The following CLASP1 variants were observed in gnomAD, a reference collection of about 807,000 sequenced individuals.
CLASP1 encodes the protein CLIP-associating protein 1.
CLASP1 carries 38 observed loss-of-function variants against 192.3 expected under a neutral mutation model. The ratio of observed to expected loss-of-function variants is 0.20; its 90% CI spans 0.15 to 0.26. CLASP1 has a LOEUF of 0.26. Among genes scored for constraint, CLASP1 ranks in the 10% least tolerant of loss-of-function variants. The probability of loss-of-function intolerance (pLI) is 1.00; values close to 1 mark genes in which losing one functional copy is unlikely to be tolerated. For missense variants in CLASP1, 1,433 were observed against 1,932.5 expected (o/e 0.74, Z 4.85); for synonymous variants, 691 against 712.8 (o/e 0.97, Z 0.49).
At chr2:121,625,287 T>C (rs919847367) in intron 1 of CLASP1, among the ~76,000 whole-genome samples, 8 of 152,180 alleles carry the variant, frequency 5.3e-5, no homozygotes, top group African/African-American at 1.9e-4. Flanking sequence ...CATGTGCATG[T>C]ACAAATGAAA....
At chr2:121,419,393 T>A (rs72967370) in intron 22 of CLASP1, among the ~76,000 whole-genome samples, 2 of 152,242 alleles carry the variant, frequency 1.3e-5, no homozygotes, top group African/African-American at 4.8e-5. Flanking sequence ...TTTCCTTTAC[T>A]GATCCCAACA....
At chr2:121,401,424 G>A in intron 28 of CLASP1, 85 bp downstream of exon 29, 1 of 1,042,388 alleles carries the variant, frequency 9.6e-7, no homozygotes. Flanking sequence ...GGGTGACAAA[G>A]GCCATGGGTA....
intron 20 of CLASP1, among the ~76,000 whole-genome samples, chr2:121,429,168 G>T (rs2080947596): frequency 6.6e-6 from 1 of 152,198 alleles, no homozygotes; most frequent in African/African-American, 2.4e-5. Flanking sequence ...AGAAGGTGTT[G>T]AACAAGGCCA....
At chr2:121,340,063 G>A (rs894149626) in exon 40 of CLASP1, 13 of 152,204 alleles carry the variant, frequency 8.5e-5, no homozygotes, top group African/African-American at 3.1e-4. Flanking sequence ...TATCTTCTGT[G>A]CTTCATGAAC....
At chr2:121,542,721 CG>C (rs2095258437) in intron 2 of CLASP1, among the ~76,000 whole-genome samples, 1 of 152,166 alleles carries the variant, frequency 6.6e-6, no homozygotes, top group African/African-American at 2.4e-5. Flanking sequence ...TGTTAAAATA[CG>C]TTAATTAATA....
At chr2:121,432,793 G>A (rs2081652757) in intron 19 of CLASP1, among the ~76,000 whole-genome samples, 1 of 151,900 alleles carries the variant, frequency 6.6e-6, no homozygotes, top group Non-Finnish European at 1.5e-5. Flanking sequence ...TAACACTCTA[G>A]GATTCTGCTA....
intron 7 of CLASP1, among the ~76,000 whole-genome samples, chr2:121,510,198 A>C (rs903795767): frequency 2.0e-5 from 3 of 152,190 alleles, no homozygotes; most frequent in Admixed American, 2.0e-4. Context: ...TCAAAAGTAA[A>C]GATTAGAGTG....
chr2:121,464,607 C>A (rs1455988497), intron 9 of CLASP1, among the ~76,000 whole-genome samples: 3 of 152,294 alleles, frequency 2.0e-5, no homozygotes, highest in Non-Finnish European at 4.4e-5. Flanking sequence ...TGATGGTGAG[C>A]ATTTTTTCAT....
intron 9 of CLASP1, among the ~76,000 whole-genome samples, chr2:121,469,570 C>G (rs2149963647): frequency 6.6e-6 from 1 of 152,312 alleles, no homozygotes; most frequent in South Asian, 2.1e-4. Context: ...CTTCCTTCTC[C>G]TGCAGGCTCC....
chr2:121,520,028 C>T (rs1311887403), intron 6 of CLASP1, among the ~76,000 whole-genome samples: 8 of 152,254 alleles, frequency 5.3e-5, no homozygotes, highest in Admixed American at 5.2e-4. Context: ...GCAGCACGCT[C>T]TGCCAGGTCT....
At chr2:121,613,302 C>T (rs974287366) in intron 1 of CLASP1, among the ~76,000 whole-genome samples, 2 of 152,172 alleles carry the variant, frequency 1.3e-5, no homozygotes, top group African/African-American at 4.8e-5. Flanking sequence ...TCATCTTGGT[C>T]CACAGGGCCA....
At chr2:121,411,783 T>C (rs575273990) in intron 23 of CLASP1, among the ~76,000 whole-genome samples, 1 of 152,280 alleles carries the variant, frequency 6.6e-6, no homozygotes, top group South Asian at 2.1e-4. Context: ...CTGACCAACC[T>C]TCCTTAGGAA....
chr2:121,348,940 C>T lies in CLASP1; in HGVS notation c.4207-222G>A, dbSNP rs537488220. Among the ~76,000 whole-genome samples, 12 of 152,144 alleles carry T rather than the reference C, an allele frequency of 7.9e-5. No individual in the cohort carries two copies. In the East Asian group the frequency reaches 2.3e-3, roughly 29 times the overall value. The stretch of plus-strand genomic sequence containing the variant: ...CAGGTCTAGGGGATTCTAGGAAAAA[C>T]CTTAGAAAAGTGGTACTCGGCCGGG... On this transcript the variant is annotated intron_variant, in intron 37 of 39. Coordinates refer to ENST00000263710, the Ensembl canonical transcript of CLASP1.
At chr2:121,528,569 G>T in intron 4 of CLASP1, 108 bp downstream of exon 4, 4 of 823,784 alleles carry the variant, frequency 4.9e-6, no homozygotes, top group Non-Finnish European at 6.3e-6. Flanking sequence ...TAATACATCA[G>T]CTTAAGTCTA....
At chr2:121,430,097 C>T (rs777494962) in exon 20 of CLASP1, 11 of 1,570,596 alleles carry the variant, frequency 7.0e-6, no homozygotes, top group East Asian at 4.7e-5. Flanking sequence ...ACCACTTTAG[C>T]GCGACTGCGG....
chr2:121,597,042 C>CCA (rs1428183210), intron 2 of CLASP1, among the ~76,000 whole-genome samples: 1 of 152,192 alleles, frequency 6.6e-6, no homozygotes, highest in Non-Finnish European at 1.5e-5. Flanking sequence ...ACAGCTTAGA[C>CCA]ACTGGGCCGG....
intron 22 of CLASP1, among the ~76,000 whole-genome samples, chr2:121,419,495 G>C (rs143263192): frequency 1.6e-3 from 245 of 152,230 alleles, no homozygotes; most frequent in Non-Finnish European, 2.7e-3. Flanking sequence ...ACTGTGTCTA[G>C]AGCAAGTAGA....
chr2:121,642,909 G>A (rs1286054790), intron 1 of CLASP1, among the ~76,000 whole-genome samples: 1 of 152,144 alleles, frequency 6.6e-6, no homozygotes, highest in African/African-American at 2.4e-5. Context: ...GTGATATATC[G>A]GGAAGTAATA....
chr2:121,536,152 T>C (rs1452248885), intron 2 of CLASP1, among the ~76,000 whole-genome samples: 2 of 150,182 alleles, frequency 1.3e-5, no homozygotes, highest in Admixed American at 1.3e-4. Context: ...GAGGCCGAGG[T>C]GGGCAGATCA....
Sources: gnomAD v4.1 joint callset for allele counts (sites outside exome capture counted in the v4.1 genomes callset) on GRCh38, gnomAD v4.1.1 for gene constraint, MANE v1.5 for transcripts, NCBI Gene and HGNC (gene_info 2026-07-23, HGNC 2026-07-21) for gene names.